Variants in GBF1 observed in about 807,000 individuals in gnomAD.
GBF1 encodes the protein golgi brefeldin A resistant guanine nucleotide exchange factor 1, also known as Golgi-specific brefeldin A-resistance guanine nucleotide exchange factor 1.
In GBF1, 114 loss-of-function variants were observed where a neutral mutation model predicts 210.5. The observed-to-expected ratio is 0.54, with a 90% CI of 0.47 to 0.63. GBF1 has a LOEUF of 0.63. Among genes scored for constraint, GBF1 ranks in the 30% least tolerant of loss-of-function variants. The probability of loss-of-function intolerance (pLI) is 0.00; values close to 1 mark genes in which losing one functional copy is unlikely to be tolerated. For missense variants in GBF1, 1,851 were observed against 2,357.7 expected, an observed-to-expected ratio of 0.79 and a Z score of 4.45; for synonymous variants, 850 against 889.2, an observed-to-expected ratio of 0.96 and a Z score of 0.78.
chr10:102,231,743 C>T, the GBF1 span: 1 of 1,609,518 alleles, frequency 6.2e-7, no homozygotes, highest in Admixed American at 1.7e-5. Context: ...TTCAGCGAAC[C>T]GTCCTCTGGG....
chr10:102,300,168 C>G (rs1036505524), intron 3 of GBF1, among the ~76,000 whole-genome samples: 1 of 152,144 alleles, frequency 6.6e-6, no homozygotes, highest in Non-Finnish European at 1.5e-5. Flanking sequence ...TAGTATTCTT[C>G]AACAAAATAG....
At chr10:102,340,392 C>T (rs1050137025) in intron 3 of GBF1, among the ~76,000 whole-genome samples, 1 of 151,358 alleles carries the variant, frequency 6.6e-6, no homozygotes, top group African/African-American at 2.4e-5. Context: ...CCTGCCTCAG[C>T]CTTCCTGAGT....
chr10:102,293,764 G>GTTTTTTTTTTTTTTTTT lies in GBF1; in HGVS notation c.163+33652_163+33653insTTTTTTTTTTTTTTTTT, dbSNP rs1263151407. On this transcript the variant is annotated intron_variant, in intron 3 of 39. Transcript: ENST00000369983. ...AAAATATTTTGTACAGCTGTAGTAT[G>GTTTTTTTTTTTTTTTTT]TTTTGTGTTTTTTTTTTTTTTTTTT... 3.2e-3 allele frequency among the ~76,000 whole-genome samples: 163 copies of GTTTTTTTTTTTTTTTTT among 50,888 alleles called. 57 individuals carry two copies. Among genetic ancestry groups the GTTTTTTTTTTTTTTTTT allele is most frequent in the Non-Finnish European group, 4.9e-3 (115 of 23,612 alleles). The allele number at this position is 50,888 out of a possible 152,430, so 33.4% of individuals were successfully genotyped here. A position where few individuals can be genotyped will look rare whatever the true frequency, so the allele number is the denominator to read the frequency against.
chr10:102,240,212 C>T, the GBF1 span, among the ~76,000 whole-genome samples: 1 of 152,208 alleles, frequency 6.6e-6, no homozygotes, highest in Non-Finnish European at 1.5e-5. Context: ...GGGGCTTGTA[C>T]CCAGCTCCTT....
At chr10:102,277,022 A>G (rs944884438) in intron 3 of GBF1, among the ~76,000 whole-genome samples, 3 of 152,070 alleles carry the variant, frequency 2.0e-5, no homozygotes, top group Non-Finnish European at 4.4e-5. Flanking sequence ...ATGTATGTAT[A>G]TATAGACATA....
intron 3 of GBF1, among the ~76,000 whole-genome samples, chr10:102,309,309 C>T (rs555743970): frequency 2.6e-5 from 4 of 152,228 alleles, no homozygotes; most frequent in African/African-American, 9.6e-5. Flanking sequence ...CAGAGTCACT[C>T]TTGAATAGCT....
At chr10:102,260,414 C>T (rs964682684) in intron 3 of GBF1, among the ~76,000 whole-genome samples, 1 of 151,468 alleles carries the variant, frequency 6.6e-6, no homozygotes, top group Non-Finnish European at 1.5e-5. Flanking sequence ...CCTGTCTTGG[C>T]CTCTCAAAGT....
At chr10:102,315,448 A>G (rs2134051349) in intron 3 of GBF1, among the ~76,000 whole-genome samples, 1 of 152,184 alleles carries the variant, frequency 6.6e-6, no homozygotes, top group East Asian at 1.9e-4. Context: ...ACTGTAGAAC[A>G]TCGGTTCCCC....
In GBF1 at chr10:102,377,004, A is replaced by T. The variant is rs1355642954; in HGVS notation, c.4358A>T (p.Lys1453Ile). 8.7e-6 allele frequency: 14 copies of T among 1,614,072 alleles called. No individual in the cohort carries two copies. The South Asian group carries it at 1.3e-4, about 15-fold the overall frequency. The change falls in exon 33 of 40, where the codon AAA becomes ATA. Residue 1453 changes from lysine (K) to isoleucine (I), a missense_variant. Physicochemically the swap from Lys to Ile is moderately radical, Grantham distance 102. Around this residue, in one of 3 missense-constraint regions of GBF1, gnomAD observed 967 missense variants for 1,247.7 expected, o/e 0.78. Transcript: ENST00000369983. ...AGCAAAGGGAACCGCTTCAAGAAGA[A>T]ATCCAAAGAGGGATCAATGCTTCGC... Reference protein sequence around the residue: ...YDSKGNRFKKKSKEGSMLRRP... With the variant: ...YDSKGNRFKKISKEGSMLRRP...
chr10:102,272,990 C>T (rs991376536), intron 3 of GBF1, among the ~76,000 whole-genome samples: 1 of 152,140 alleles, frequency 6.6e-6, no homozygotes, highest in Admixed American at 6.5e-5. Flanking sequence ...TTGAACACTT[C>T]CTTGCTTTCT....
chr10:102,305,947 G>A (rs1424893129), intron 3 of GBF1, among the ~76,000 whole-genome samples: 2 of 152,306 alleles, frequency 1.3e-5, no homozygotes, highest in East Asian at 3.9e-4. Context: ...TAGGATGATA[G>A]GTTTGGGGGA....
intron 3 of GBF1, among the ~76,000 whole-genome samples, chr10:102,264,109 A>G (rs182906267): frequency 6.6e-6 from 1 of 152,350 alleles, no homozygotes; most frequent in Non-Finnish European, 1.5e-5. Flanking sequence ...TGAGTATACA[A>G]GAAACCACTG....
At chr10:102,283,583 G>T (rs1044661807) in intron 3 of GBF1, among the ~76,000 whole-genome samples, 3 of 152,166 alleles carry the variant, frequency 2.0e-5, no homozygotes, top group Non-Finnish European at 4.4e-5. Flanking sequence ...CAGCAAAGAT[G>T]TAACAGGTAT....
chr10:102,319,374 T>TAA (rs60866450), intron 3 of GBF1, among the ~76,000 whole-genome samples: 57 of 151,106 alleles, frequency 3.8e-4, no homozygotes, highest in African/African-American at 1.2e-3. Context: ...CTCCTGTCTC[T>TAA]AAAAAAAAAG....
chr10:102,294,435 G>A (rs2076745480), intron 3 of GBF1, among the ~76,000 whole-genome samples: 1 of 149,612 alleles, frequency 6.7e-6, no homozygotes, highest in African/African-American at 2.5e-5. Context: ...AGGCTGGAGT[G>A]CAGTGGCGCA....
intron 3 of GBF1, among the ~76,000 whole-genome samples, chr10:102,289,679 G>GA (rs2076276614): frequency 6.6e-6 from 1 of 152,170 alleles, no homozygotes. Context: ...TCATAACTGG[G>GA]AAAATCCTTT....
intron 1 of GBF1, among the ~76,000 whole-genome samples, chr10:102,246,628 A>T (rs950181356): frequency 2.6e-5 from 4 of 152,220 alleles, no homozygotes; most frequent in Non-Finnish European, 4.4e-5. Context: ...AAAAAGAGTC[A>T]TGAGAGATTT....
In GBF1 at chr10:102,375,530, G is replaced by A. The variant is rs1446057357; in HGVS notation, c.3832G>A (p.Val1278Met). Residue 1278 changes from valine to methionine, a missense_variant, in exon 30 of 40, where the codon GTG becomes ATG. Val to Met is a conservative substitution (Grantham distance 21, BLOSUM62 1). Transcript: ENST00000369983. ...ACTGCTGGAGTGCATCGGCTCAGGT[G>A]TGAAGCCTCCAGCTGCTCTGCAGGC... is the stretch of plus-strand genomic sequence containing the variant. ...FTLLECIGSG[V>M]KPPAALQATA... 1.2e-6 allele frequency: 2 copies of A among 1,614,090 alleles called. No individual in the cohort carries two copies. Among genetic ancestry groups the A allele is most frequent in the East Asian group, 2.2e-5 (1 of 44,870 alleles).
At chr10:102,341,081 T>G (rs777094912) in intron 3 of GBF1, among the ~76,000 whole-genome samples, 3 of 152,188 alleles carry the variant, frequency 2.0e-5, no homozygotes, top group African/African-American at 7.2e-5. Context: ...GGACTTGAAT[T>G]CAGAATAAAG....
Sources: gnomAD v4.1 joint callset for allele counts (sites outside exome capture counted in the v4.1 genomes callset) on GRCh38, gnomAD v4.1.1 for gene constraint, gnomAD v4.1.1 regional missense constraint, MANE v1.5 for transcripts, NCBI Gene and HGNC (gene_info 2026-07-23, HGNC 2026-07-21) for gene names.